The following OTOG variants were observed in gnomAD, a reference collection of about 807,000 sequenced individuals.
OTOG encodes the protein otogelin.
In OTOG, 296 loss-of-function variants were observed where a neutral mutation model predicts 313.8. That is an observed-to-expected ratio of 0.94 (90% CI 0.86 to 1.04). The LOEUF is 1.04. Ranked by LOEUF, OTOG falls within the 50% of genes least tolerant of loss-of-function variation. The pLI, the probability that OTOG is intolerant of heterozygous loss-of-function variation, is 0.00. For synonymous variants in OTOG, 1,533 were observed against 1,554.9 expected (o/e 0.99, Z 0.33); for missense variants, 3,948 against 3,840.1 (o/e 1.03, Z -0.74).
intron 24 of OTOG, among the ~76,000 whole-genome samples, chr11:17,588,505 A>G (rs746802248): frequency 9.2e-5 from 14 of 152,120 alleles, no homozygotes; most frequent in Non-Finnish European, 1.6e-4. Flanking sequence ...GTTGTAGGTC[A>G]TGTAGGTGGG....
Position 17,572,109 on chromosome 11 carries a change from C to T in OTOG, c.1985C>T (p.Pro662Leu), listed in dbSNP as rs1852417542. 6 of 1,550,394 alleles carry T rather than the reference C, an allele frequency of 3.9e-6. No homozygotes were observed. The highest frequency in any genetic ancestry group is 5.2e-6 in the Non-Finnish European group (6 of 1,146,930). ...CCAGTGGGTGTACCTGAGAGCACCC[C>T]ACAACTTTTTGGCAATTCCTGGAAA... is the stretch of plus-strand genomic sequence containing the variant. ...LSPVGVPEST[P>L]QLFGNSWKTL... Residue 662 changes from proline (P) to leucine (L), a missense_variant, in exon 18 of 56, where the codon CCA becomes CTA. By Grantham distance (98) the Pro-to-Leu change is moderately conservative. Coordinates refer to ENST00000399397, the MANE Select transcript of OTOG (RefSeq NM_001292063.2).
intron 20 of OTOG, 61 bp from the exon 21 acceptor site, chr11:17,576,495 T>G: frequency 7.2e-7 from 1 of 1,396,630 alleles, no homozygotes; most frequent in East Asian, 2.5e-5. Context: ...TCCCTGTCCT[T>G]GGCAGTCTCT....
chr11:17,591,590 T>C lies in OTOG; in HGVS notation c.3006+2T>C, dbSNP rs1198460231. On this transcript the variant is annotated splice_donor_variant, in intron 25 of 55. Transcript: ENST00000399397. LOFTEE classifies it high-confidence loss of function. ...GCATGCAAAGTGCACCTGGTCAAGG[T>C]GAGTTCCCGGATGTTTCTGCCCAGT... 6.4e-7 allele frequency: 1 copy of C among 1,550,518 alleles called. No individual in the cohort carries two copies. Among genetic ancestry groups the C allele is most frequent in the East Asian group, 2.4e-5 (1 of 40,920 alleles).
At chr11:17,575,468 G>A (rs975192172) in intron 20 of OTOG, among the ~76,000 whole-genome samples, 8 of 152,188 alleles carry the variant, frequency 5.3e-5, no homozygotes, top group African/African-American at 7.2e-5. Flanking sequence ...GCAGAGACCT[G>A]AGGGAGTGAG....
At position 17,611,347 on chromosome 11, in the gene OTOG, C is replaced by T. The variant is rs1471118569; in HGVS notation, c.6047C>T (p.Pro2016Leu). ...ACAGAACCATCTGGGCGCTCAGCCCCAGCCCTGAGCATCGTAGAGGGTTTG... is the reference window on the plus strand; with the variant it reads ...ACAGAACCATCTGGGCGCTCAGCCCTAGCCCTGAGCATCGTAGAGGGTTTG... The part of the protein sequence containing the change: ...ATTEPSGRSA[P>L]ALSIVEGLAE... Residue 2016 changes from proline to leucine, a missense_variant, in exon 36 of 56, where the codon CCA (proline) becomes CTA (leucine). Physicochemically the swap from Pro to Leu is moderately conservative, Grantham distance 98. Transcript: ENST00000399397. 1 of 1,549,968 alleles carries T rather than the reference C, an allele frequency of 6.5e-7. No homozygotes were observed. Among genetic ancestry groups the T allele is most frequent in the Non-Finnish European group, 8.7e-7 (1 of 1,146,632 alleles).
intron 39 of OTOG, among the ~76,000 whole-genome samples, chr11:17,618,535 G>T (rs1285784729): frequency 6.6e-6 from 1 of 152,134 alleles, no homozygotes; most frequent in Non-Finnish European, 1.5e-5. Flanking sequence ...TTATTATTGG[G>T]TGGAGTGTTC....
chr11:17,587,472 C>T (rs1253429951), intron 24 of OTOG, among the ~76,000 whole-genome samples: 1 of 152,180 alleles, frequency 6.6e-6, no homozygotes, highest in African/African-American at 2.4e-5. Context: ...GCCCCTGGCA[C>T]TGGAACTTCA....
At chr11:17,639,084 A>G in intron 48 of OTOG, 2 of 385,156 alleles carry the variant, frequency 5.2e-6, no homozygotes, top group South Asian at 3.2e-5. Flanking sequence ...AATAAAAAGA[A>G]TAGGCTCTGG....
rs189248390 is a variant in OTOG, at chr11:17,610,135, G to T, written c.4835G>T (p.Arg1612Leu). The change falls in exon 36 of 56, where the codon CGC (arginine) becomes CTC (leucine). Residue 1612 changes from arginine to leucine, a missense_variant. Arg to Leu is a moderately radical substitution (Grantham distance 102, BLOSUM62 -2). Coordinates refer to ENST00000399397, the MANE Select transcript of OTOG (RefSeq NM_001292063.2). ...TVSSRSPPAP[R>L]FPLMTKAVTV... ...TCCTCCCGGTCGCCCCCTGCCCCTC[G>T]CTTCCCGCTCATGACCAAGGCTGTG... 1 of 1,550,504 alleles carries T rather than the reference G, an allele frequency of 6.4e-7. No homozygotes were observed. Among genetic ancestry groups the T allele is most frequent in the Non-Finnish European group, 8.7e-7 (1 of 1,146,950 alleles).
At chr11:17,573,517 C>T (rs374779373) in intron 19 of OTOG, among the ~76,000 whole-genome samples, 1 of 152,222 alleles carries the variant, frequency 6.6e-6, no homozygotes, top group Non-Finnish European at 1.5e-5. Flanking sequence ...GCTTCTGTCA[C>T]GCTTACTTCC....
Position 17,573,297 on chromosome 11 carries a change from GC to G in OTOG, c.2293+11del. The G allele has an allele frequency of 6.6e-7, 1 of 1,517,232 alleles. No individual in the cohort carries two copies. 94.0% of individuals were successfully genotyped at this position (1,517,232 alleles called of 1,614,324 possible). A position where few individuals can be genotyped will look rare whatever the true frequency, so the allele number is the denominator to read the frequency against. ...GCCCGCCTGCCAGCCTGTGGTGAGT[GC>G]CCCACCCATGTGAGGCTGAGCTGGA... On this transcript the variant is annotated splice_region_variant and intron_variant, in intron 19 of 55. Coordinates refer to ENST00000399397, the MANE Select transcript of OTOG (RefSeq NM_001292063.2).
chr11:17,593,563 C>T (rs773450005), intron 26 of OTOG, 47 bp from the exon 27 acceptor site: 201 of 1,540,838 alleles, frequency 1.3e-4, no homozygotes, highest in Non-Finnish European at 1.6e-4. Flanking sequence ...CTGACCTGGG[C>T]GCTAGGGGGC....
chr11:17,574,232 A>G (rs1185395210), intron 19 of OTOG, among the ~76,000 whole-genome samples: 2 of 152,168 alleles, frequency 1.3e-5, no homozygotes, highest in East Asian at 1.9e-4. Flanking sequence ...CTTGGGACAA[A>G]GGGAGCAAAA....
chr11:17,569,762 A>C (rs1172572057), intron 16 of OTOG, among the ~76,000 whole-genome samples: 1 of 152,178 alleles, frequency 6.6e-6, no homozygotes, highest in African/African-American at 2.4e-5. Context: ...ATAAATATAA[A>C]CCATAAAGGG....
At chr11:17,621,540 A>G (rs1853863364) in intron 39 of OTOG, among the ~76,000 whole-genome samples, 2 of 152,138 alleles carry the variant, frequency 1.3e-5, no homozygotes. Flanking sequence ...TATTCAGCTG[A>G]AAATTCAGGA....
chr11:17,633,305 T>G (rs111284206), intron 42 of OTOG, among the ~76,000 whole-genome samples: 4 of 152,336 alleles, frequency 2.6e-5, no homozygotes, highest in African/African-American at 9.6e-5. Context: ...TGGCAAACCT[T>G]TTCGGTAAAG....
chr11:17,604,302 T>A (rs920577526), intron 32 of OTOG, among the ~76,000 whole-genome samples: 8 of 152,332 alleles, frequency 5.3e-5, no homozygotes, highest in Non-Finnish European at 1.2e-4. Flanking sequence ...GGAGAAGCCT[T>A]GATCCGGGCC....
intron 23 of OTOG, among the ~76,000 whole-genome samples, chr11:17,584,351 G>A (rs1852743240): frequency 6.6e-6 from 1 of 152,154 alleles, no homozygotes; most frequent in Non-Finnish European, 1.5e-5. Context: ...TAGAAGTGAT[G>A]GAAGTAAAAA....
At chr11:17,576,738 C>G (rs1280428178) in intron 21 of OTOG, 108 bp downstream of exon 21, 1 of 1,451,400 alleles carries the variant, frequency 6.9e-7, no homozygotes, top group Non-Finnish European at 9.5e-7. Context: ...CAGCCCTGCT[C>G]TGTGCAGGGA....
Sources: allele counts gnomAD v4.1 joint callset (sites outside exome capture counted in the v4.1 genomes callset), GRCh38; gene constraint gnomAD v4.1.1; transcripts MANE v1.5; gene names NCBI Gene and HGNC (gene_info 2026-07-23, HGNC 2026-07-21).